Variants in ARHGAP35 observed in about 807,000 individuals in gnomAD.
The protein encoded by ARHGAP35 is Rho GTPase activating protein 35, also known as rho GTPase-activating protein 35.
Under a neutral mutation model 111.1 loss-of-function variants are expected in ARHGAP35, and 15 were observed. The ratio of observed to expected loss-of-function variants is 0.13; its 90% CI spans 0.09 to 0.21. ARHGAP35 has a LOEUF of 0.21. Among genes scored for constraint, ARHGAP35 ranks in the 10% least tolerant of loss-of-function variants. The pLI, the probability that ARHGAP35 is intolerant of heterozygous loss-of-function variation, is 1.00. For synonymous variants in ARHGAP35, 643 were observed against 710.3 expected (o/e 0.91, Z 1.51); for missense variants, 1,262 against 1,873.0 (o/e 0.67, Z 6.02).
intron 1 of ARHGAP35, among the ~76,000 whole-genome samples, chr19:46,869,502 GTGTGTGTATTTGCAT>G (rs1391860920): frequency 6.6e-6 from 1 of 150,570 alleles, no homozygotes; most frequent in Non-Finnish European, 1.5e-5. Flanking sequence ...GTGTGTGTGT[GTGTGTGTATTTGCAT>G]TGTGTGTGTG....
intron 1 of ARHGAP35, among the ~76,000 whole-genome samples, chr19:46,893,902 T>TC (rs2122156496): frequency 6.6e-6 from 1 of 151,732 alleles, no homozygotes; most frequent in Non-Finnish European, 1.5e-5. Context: ...TTTTTTTTTT[T>TC]TTTAAGATTT....
rs111394678 is a variant in ARHGAP35 at position 46,871,172 on chromosome 19, C to CAG, written c.-189+9964_-189+9965insGA. Among the ~76,000 whole-genome samples, 986 of 152,272 alleles carry CAG rather than the reference C, an allele frequency of 6.5e-3. 6 individuals carry two copies. Among genetic ancestry groups the CAG allele is most frequent in the Middle Eastern group, 0.02 (6 of 294 alleles). ...AAGTGTGAAAGCATTCTTTTAACAA[C>CAG]ATCTTTTCTACTCGTGTTGTTAATT... is the stretch of plus-strand genomic sequence containing the variant. On this transcript the variant is annotated intron_variant, in intron 1 of 6. Transcript: ENST00000672722.
chr19:46,920,042 G>A lies in ARHGAP35; in HGVS notation c.1367G>A (p.Arg456His), dbSNP rs1055753203. Residue 456 changes from arginine to histidine, a missense_variant, in exon 2 of 7, where the codon CGT becomes CAT. By Grantham distance (29) the Arg-to-His change is conservative (BLOSUM62 0). This residue lies in a region of ARHGAP35 where 328 missense variants were observed against 440.8 expected (regional missense o/e 0.74). Transcript: ENST00000672722. The surrounding 1 kb of genome is among the most constrained non-coding windows in gnomAD (Gnocchi z 7.0). ...CCCGGAAAGCCTTGGGAAGAGGCCC[G>A]TAGTTTTATTATGAATGAGGATTTC... The part of the protein sequence containing the change: ...ITPGKPWEEA[R>H]SFIMNEDFYQ... 7 of 1,613,730 alleles carry A rather than the reference G, an allele frequency of 4.3e-6. No individual in the cohort carries two copies. The highest frequency in any genetic ancestry group is 1.3e-5 in the African/African-American group (1 of 74,970).
In ARHGAP35 at chr19:46,989,640, C is replaced by A; in HGVS notation, c.4001C>A (p.Pro1334Gln). 6.2e-7 allele frequency: 1 copy of A among 1,613,910 alleles called. No individual in the cohort carries two copies. The highest frequency in any genetic ancestry group is 8.5e-7 in the Non-Finnish European group (1 of 1,179,844). The change falls in exon 5 of 7, where the codon CCG becomes CAG. Residue 1334 changes from proline to glutamine, a missense_variant. Coordinates refer to ENST00000672722, the MANE Select transcript of ARHGAP35 (RefSeq NM_004491.5). This position sits in a 1 kb window ranked among gnomAD's most constrained non-coding sequence, Gnocchi z 5.3. ...FFSELPDPLVPYNMQIDLVEA... is the reference protein window; with the variant it reads ...FFSELPDPLVQYNMQIDLVEA... ...TCAGAACTGCCTGACCCCCTGGTCC[C>A]GTATAACATGCAGATCGACTTGGTG...
At chr19:46,981,761 G>A (rs541714506) in intron 3 of ARHGAP35, among the ~76,000 whole-genome samples, 1 of 152,330 alleles carries the variant, frequency 6.6e-6, no homozygotes, top group Non-Finnish European at 1.5e-5. Flanking sequence ...AGTCCATGGG[G>A]AAGTCCCCAC....
chr19:46,965,210 G>A (rs2056506802), intron 3 of ARHGAP35, among the ~76,000 whole-genome samples: 1 of 152,198 alleles, frequency 6.6e-6, no homozygotes, highest in Admixed American at 6.5e-5. Flanking sequence ...CTACTCAGGA[G>A]GCTGAAGCAG....
At chr19:46,861,324 G>A (rs1200632968) in intron 1 of ARHGAP35, among the ~76,000 whole-genome samples, 115 bp downstream of exon 1, 1 of 150,680 alleles carries the variant, frequency 6.6e-6, no homozygotes, top group Non-Finnish European at 1.5e-5. Flanking sequence ...GGAGGAGCTG[G>A]AGGGGGAGGG....
chr19:46,987,496 T>G lies in ARHGAP35; in HGVS notation c.3827-493T>G, dbSNP rs565329912. ...TTCCAAAGTGCTGGGATTACAGGCG[T>G]GAGCCACCGCTCCCAGCCAACCCTG... is the stretch of plus-strand genomic sequence containing the variant. On this transcript the variant is annotated intron_variant, in intron 3 of 6. Transcript: ENST00000672722. Among the ~76,000 whole-genome samples the G allele has an allele frequency of 7.2e-5, 11 of 152,292 alleles. No homozygotes were observed. In the South Asian group the frequency reaches 2.1e-3, roughly 29 times the overall value.
intron 3 of ARHGAP35, among the ~76,000 whole-genome samples, chr19:46,982,709 G>T (rs759941247): frequency 6.6e-6 from 1 of 151,832 alleles, no homozygotes; most frequent in Non-Finnish European, 1.5e-5. Context: ...AGTGTGGTTC[G>T]CTGGCCAGCA....
At chr19:46,861,957 C>T (rs1331179809) in intron 1 of ARHGAP35, among the ~76,000 whole-genome samples, 1 of 152,218 alleles carries the variant, frequency 6.6e-6, no homozygotes, top group African/African-American at 2.4e-5. Flanking sequence ...GCCTGCTGCA[C>T]CCCGGGATGC....
rs983506859 is a variant in ARHGAP35, at chr19:46,999,063, G to T, written c.4037-241G>T. The T allele has an allele frequency of 1.9e-6, 1 of 520,714 alleles. No individual in the cohort carries two copies. The highest frequency in any genetic ancestry group is 1.9e-5 in the African/African-American group (1 of 52,840). 32.3% of individuals were successfully genotyped at this position (520,714 alleles called of 1,614,324 possible). On this transcript the variant is annotated intron_variant, in intron 5 of 6. Coordinates refer to ENST00000672722, the MANE Select transcript of ARHGAP35 (RefSeq NM_004491.5). This position sits in a 1 kb window ranked among gnomAD's most constrained non-coding sequence, Gnocchi z 5.4. ...TGTCTTGGGTGGTGGGGGCCAGGAA[G>T]CCCCAGGCACACAGTGCCGCCCTTC... is the stretch of plus-strand genomic sequence containing the variant.
intron 3 of ARHGAP35, among the ~76,000 whole-genome samples, chr19:46,981,677 C>T (rs1277784046): frequency 6.6e-6 from 1 of 152,202 alleles, no homozygotes; most frequent in African/African-American, 2.4e-5. Flanking sequence ...CGTCCTGCCA[C>T]AGACACCTCC....
chr19:46,991,048 G>A (rs537435137), intron 5 of ARHGAP35, among the ~76,000 whole-genome samples: 3 of 152,344 alleles, frequency 2.0e-5, no homozygotes, highest in African/African-American at 7.2e-5. Context: ...GCTTTCTGAA[G>A]ACGGGAGTCA....
At chr19:46,905,727 T>G (rs2056104254) in intron 1 of ARHGAP35, among the ~76,000 whole-genome samples, 1 of 152,152 alleles carries the variant, frequency 6.6e-6, no homozygotes, top group South Asian at 2.1e-4. Flanking sequence ...TTTTTTTGTA[T>G]TTTTAGTAGA....
At chr19:46,879,730 G>A (rs2055948982) in intron 1 of ARHGAP35, among the ~76,000 whole-genome samples, 1 of 151,420 alleles carries the variant, frequency 6.6e-6, no homozygotes, top group African/African-American at 2.4e-5. Flanking sequence ...GTTACAGTGA[G>A]CTGAGATTGC....
intron 2 of ARHGAP35, among the ~76,000 whole-genome samples, chr19:46,931,663 A>AT (rs986028348): frequency 1.3e-5 from 2 of 152,160 alleles, no homozygotes; most frequent in African/African-American, 4.8e-5. Flanking sequence ...TATGTTGTTC[A>AT]TTTTTTTAAA....
intron 1 of ARHGAP35, among the ~76,000 whole-genome samples, chr19:46,873,961 T>G (rs371383772): frequency 1.3e-5 from 2 of 152,288 alleles, no homozygotes; most frequent in African/African-American, 4.8e-5. Context: ...TTAGTGAGGC[T>G]GGTCTCAAAC....
intron 5 of ARHGAP35, among the ~76,000 whole-genome samples, chr19:46,991,342 G>A (rs1355457485): frequency 6.6e-6 from 1 of 152,214 alleles, no homozygotes; most frequent in African/African-American, 2.4e-5. Flanking sequence ...CCATCTAGAG[G>A]TGCGTGAAAT....
intron 3 of ARHGAP35, among the ~76,000 whole-genome samples, chr19:46,981,134 C>A (rs116093441): frequency 1.7e-3 from 260 of 152,330 alleles, no homozygotes; most frequent in African/African-American, 6.0e-3. Flanking sequence ...CTCTTCAAGA[C>A]CATTTGAATT....
Sources: allele counts gnomAD v4.1 joint callset (sites outside exome capture counted in the v4.1 genomes callset), GRCh38; gene constraint gnomAD v4.1.1; regional missense constraint gnomAD v4.1.1; non-coding constraint Gnocchi (gnomAD v3.1); transcripts MANE v1.5; gene names NCBI Gene and HGNC (gene_info 2026-07-23, HGNC 2026-07-21).